RANBP17: variants seen among roughly 807,000 people sequenced by gnomAD.
The protein encoded by RANBP17 is ran-binding protein 17.
RANBP17 carries 158 observed loss-of-function variants against 141.2 expected under a neutral mutation model. That is an observed-to-expected ratio of 1.12 (90% CI 0.98 to 1.28). RANBP17 has a LOEUF of 1.28. Ranked by LOEUF, RANBP17 falls within the 50% of genes most tolerant of loss-of-function variation. The probability of loss-of-function intolerance (pLI) is 0.00; values close to 1 mark genes in which losing one functional copy is unlikely to be tolerated. For synonymous variants in RANBP17, 430 were observed against 450.0 expected, an observed-to-expected ratio of 0.96 and a Z score of 0.56; for missense variants, 1,438 against 1,290.7, an observed-to-expected ratio of 1.11 and a Z score of -1.75.
At chr5:171,252,919 G>A (rs1331832960) in intron 24 of RANBP17, 11 of 1,465,462 alleles carry the variant, frequency 7.5e-6, no homozygotes, top group Admixed American at 1.7e-5. Context: ...AGAAGTCTAC[G>A]GGCTGACATC....
chr5:171,169,244 G>A (rs1256736241), intron 14 of RANBP17, among the ~76,000 whole-genome samples: 3 of 152,128 alleles, frequency 2.0e-5, no homozygotes, highest in Admixed American at 6.5e-5. Context: ...AGGCAGATTA[G>A]GAGAAAGTGA....
chr5:170,942,609 A>C (rs570568260), intron 12 of RANBP17, among the ~76,000 whole-genome samples: 1 of 152,320 alleles, frequency 6.6e-6, no homozygotes, highest in African/African-American at 2.4e-5. Flanking sequence ...ATAAGCATTA[A>C]ATATTGACTC....
intron 22 of RANBP17, among the ~76,000 whole-genome samples, chr5:171,230,954 T>G (rs990270041): frequency 6.6e-6 from 1 of 151,972 alleles, no homozygotes; most frequent in Non-Finnish European, 1.5e-5. Context: ...GTTTTTTTGT[T>G]GAGACAAGAT....
intron 1 of RANBP17, among the ~76,000 whole-genome samples, chr5:170,875,432 C>G (rs118150089): frequency 4.6e-5 from 7 of 152,128 alleles, no homozygotes; most frequent in Admixed American, 1.3e-4. Context: ...GTTCCACTCT[C>G]TTTGTCTCTT....
chr5:171,004,427 G>A (rs1779435839), intron 14 of RANBP17, among the ~76,000 whole-genome samples: 1 of 152,160 alleles, frequency 6.6e-6, no homozygotes, highest in South Asian at 2.1e-4. Flanking sequence ...GTCCAAGATG[G>A]CACCAGACTG....
At position 171,298,777 on chromosome 5, in the gene RANBP17, G is replaced by C; in HGVS notation, c.3186G>C (p.Leu1062=). Residue 1062 remains leucine (L), a synonymous_variant, in exon 28 of 28, where the codon CTG becomes CTC. Transcript: ENST00000523189. The part of the protein sequence containing the change: ...VKNRDRFTQN[L]SVFRRDVAEA... ...CTTTCTGCAGGTTCACCCAAAATCT[G>C]TCTGTATTCAGAAGAGATGTGGCAG... The C allele has an allele frequency of 6.2e-7, 1 of 1,614,000 alleles. No individual in the cohort carries two copies. Among genetic ancestry groups the C allele is most frequent in the Non-Finnish European group, 8.5e-7 (1 of 1,179,886 alleles).
chr5:171,259,698 G>A (rs1766151457), intron 24 of RANBP17, among the ~76,000 whole-genome samples: 1 of 152,146 alleles, frequency 6.6e-6, no homozygotes, highest in African/African-American at 2.4e-5. Context: ...TAGATAACAA[G>A]GGTCAGACAT....
chr5:171,130,331 A>G (rs934151426), intron 14 of RANBP17, among the ~76,000 whole-genome samples: 1 of 147,426 alleles, frequency 6.8e-6, no homozygotes, highest in Non-Finnish European at 1.5e-5. Flanking sequence ...GTCATTCATC[A>G]TTTTCATTTT....
intron 12 of RANBP17, among the ~76,000 whole-genome samples, chr5:170,951,335 C>A (rs1775193986): frequency 6.6e-6 from 1 of 151,842 alleles, no homozygotes; most frequent in Non-Finnish European, 1.5e-5. Context: ...CACATGTACC[C>A]CACAAGTATG....
chr5:170,988,562 A>AT (rs775067153), intron 14 of RANBP17, among the ~76,000 whole-genome samples: 12 of 151,592 alleles, frequency 7.9e-5, no homozygotes, highest in East Asian at 3.9e-4. Context: ...TCAGTCTGTA[A>AT]TTTTTTTTAA....
At chr5:171,195,171 T>C (rs1370151045) in intron 18 of RANBP17, among the ~76,000 whole-genome samples, 1 of 152,222 alleles carries the variant, frequency 6.6e-6, no homozygotes, top group Non-Finnish European at 1.5e-5. Flanking sequence ...CTTCAAATCA[T>C]ATTGGTTTCT....
intron 14 of RANBP17, among the ~76,000 whole-genome samples, chr5:170,998,672 A>G (rs917428263): frequency 6.6e-6 from 1 of 152,086 alleles, no homozygotes; most frequent in African/African-American, 2.4e-5. Flanking sequence ...ACTGTGCTTT[A>G]TTGTGTCTTG....
rs996029063 is a variant in RANBP17, at chr5:170,916,409, A to G, written c.835-56A>G. ...TTAAATGTAAAGACTAGTATTCCTT[A>G]CATGTGGCCACAGATACTTTGAAAA... On this transcript the variant is annotated intron_variant, in intron 8 of 27. Coordinates refer to ENST00000523189, the MANE Select transcript of RANBP17 (RefSeq NM_022897.5). 2.9e-6 allele frequency: 4 copies of G among 1,377,832 alleles called. No homozygotes were observed. In the Admixed American group the frequency reaches 9.5e-5, roughly 33 times the overall value. 85.4% of individuals were successfully genotyped at this position (1,377,832 alleles called of 1,614,324 possible).
intron 14 of RANBP17, among the ~76,000 whole-genome samples, chr5:171,135,714 T>G (rs1379466687): frequency 6.6e-6 from 1 of 152,208 alleles, no homozygotes; most frequent in Non-Finnish European, 1.5e-5. Context: ...AAAATTCTTT[T>G]TCTCTTTACT....
At chr5:171,074,295 T>G (rs1784790322) in intron 14 of RANBP17, among the ~76,000 whole-genome samples, 1 of 152,038 alleles carries the variant, frequency 6.6e-6, no homozygotes, top group African/African-American at 2.4e-5. Flanking sequence ...TGATTACTAC[T>G]CTTCACAAGT....
intron 14 of RANBP17, among the ~76,000 whole-genome samples, chr5:170,986,376 T>A (rs1778141438): frequency 6.6e-6 from 1 of 151,996 alleles, no homozygotes; most frequent in African/African-American, 2.4e-5. Flanking sequence ...ATTAAGCCGA[T>A]AAGTGCTCCA....
At chr5:171,075,239 A>G (rs879864586) in intron 14 of RANBP17, among the ~76,000 whole-genome samples, 7 of 152,178 alleles carry the variant, frequency 4.6e-5, no homozygotes, top group Non-Finnish European at 1.0e-4. Flanking sequence ...CTTTCCTGCA[A>G]TATAATAGGA....
chr5:170,867,115 G>C (rs1767328393), intron 1 of RANBP17: 1 of 152,214 alleles, frequency 6.6e-6, no homozygotes, highest in African/African-American at 2.4e-5. Context: ...TTGCACACCA[G>C]CCTGGGCAAC....
At chr5:171,195,449 A>G (rs1003325488) in intron 18 of RANBP17, among the ~76,000 whole-genome samples, 2 of 152,226 alleles carry the variant, frequency 1.3e-5, no homozygotes, top group Admixed American at 1.3e-4. Context: ...TGGTGGCACA[A>G]CATTTCACGT....
Sources: gnomAD v4.1 joint callset for allele counts (sites outside exome capture counted in the v4.1 genomes callset) on GRCh38, gnomAD v4.1.1 for gene constraint, MANE v1.5 for transcripts, NCBI Gene and HGNC (gene_info 2026-07-23, HGNC 2026-07-21) for gene names.